Variants in USP34 observed in about 807,000 individuals in gnomAD.
USP34 encodes ubiquitin carboxyl-terminal hydrolase 34.
A neutral mutation model predicts 460.3 loss-of-function variants in USP34; 70 were observed. The ratio of observed to expected loss-of-function variants is 0.15; its 90% CI spans 0.13 to 0.19. The LOEUF (loss-of-function observed/expected upper bound fraction) is 0.19. Ranked by LOEUF, USP34 falls within the 10% of genes least tolerant of loss-of-function variation. The probability of loss-of-function intolerance (pLI) is 1.00; values close to 1 mark genes in which losing one functional copy is unlikely to be tolerated. For missense variants in USP34, 3,985 were observed against 4,236.2 expected, an observed-to-expected ratio of 0.94 and a Z score of 1.65; for synonymous variants, 1,647 against 1,405.3, an observed-to-expected ratio of 1.17 and a Z score of -3.85.
chr2:61,412,689 G>A (rs1194454272), intron 2 of USP34, among the ~76,000 whole-genome samples: 1 of 151,830 alleles, frequency 6.6e-6, no homozygotes, highest in Non-Finnish European at 1.5e-5. Flanking sequence ...AGGAGTTCAA[G>A]ACCAACCTGG....
intron 2 of USP34, chr2:61,416,876 G>C (rs1299398780): frequency 1.3e-6 from 1 of 765,332 alleles, no homozygotes; most frequent in African/African-American, 1.7e-5. Flanking sequence ...CAGCACAGTG[G>C]AAGCCCTCAT....
At chr2:61,348,672 A>T in intron 14 of USP34, 84 bp downstream of exon 14, 2 of 1,497,334 alleles carry the variant, frequency 1.3e-6, no homozygotes, top group Non-Finnish European at 1.8e-6. Flanking sequence ...CCAAACATGA[A>T]TTATGTATAT....
At chr2:61,292,291 A>G (rs547954488) in intron 33 of USP34, among the ~76,000 whole-genome samples, 1 of 152,342 alleles carries the variant, frequency 6.6e-6, no homozygotes, top group African/African-American at 2.4e-5. Flanking sequence ...GAAGTATTTC[A>G]TAATATTAAG....
At chr2:61,358,524 C>G (rs1301797184) in intron 10 of USP34, among the ~76,000 whole-genome samples, 1 of 152,078 alleles carries the variant, frequency 6.6e-6, no homozygotes, top group African/African-American at 2.4e-5. Context: ...CAATATCATA[C>G]TCAATGATGA....
chr2:61,256,264 C>A, intron 48 of USP34, 120 bp downstream of exon 48: 1 of 856,176 alleles, frequency 1.2e-6, no homozygotes, highest in East Asian at 2.8e-5. Context: ...AGACTGAGCT[C>A]CATGCAGCTG....
At chr2:61,434,471 C>G (rs1016612731) in intron 1 of USP34, among the ~76,000 whole-genome samples, 8 of 152,200 alleles carry the variant, frequency 5.3e-5, no homozygotes, top group African/African-American at 1.9e-4. Context: ...GCCAGAGTAA[C>G]AGTCCTGTGG....
chr2:61,423,618 C>T (rs547917921), intron 1 of USP34, among the ~76,000 whole-genome samples: 1 of 152,122 alleles, frequency 6.6e-6, no homozygotes, highest in Admixed American at 6.5e-5. Context: ...TCGACACCAC[C>T]CAAATTGATT....
intron 41 of USP34, among the ~76,000 whole-genome samples, chr2:61,269,554 T>G (rs1304067860): frequency 6.6e-6 from 1 of 152,064 alleles, no homozygotes; most frequent in Non-Finnish European, 1.5e-5. Flanking sequence ...AATTCAATAA[T>G]TTCCTGAATG....
chr2:61,417,897 C>A (rs778594006), intron 2 of USP34, among the ~76,000 whole-genome samples: 2 of 149,350 alleles, frequency 1.3e-5, no homozygotes, highest in Non-Finnish European at 3.0e-5. Flanking sequence ...GAGCACCCCA[C>A]GCCTGGCTAA....
At chr2:61,300,526 G>A (rs1007084740) in intron 29 of USP34, among the ~76,000 whole-genome samples, 22 of 149,772 alleles carry the variant, frequency 1.5e-4, no homozygotes, top group African/African-American at 5.1e-4. Flanking sequence ...GGCCAGGCAC[G>A]GTGGCTCATG....
At chr2:61,452,438 C>T (rs984723859) in intron 1 of USP34, among the ~76,000 whole-genome samples, 1 of 149,406 alleles carries the variant, frequency 6.7e-6, no homozygotes, top group Non-Finnish European at 1.5e-5. Flanking sequence ...GATTCTCGTG[C>T]CTCAGCCTCC....
intron 2 of USP34, among the ~76,000 whole-genome samples, chr2:61,410,152 T>C (rs768952104): frequency 3.3e-5 from 5 of 152,146 alleles, no homozygotes; most frequent in Non-Finnish European, 7.3e-5. Flanking sequence ...CGTTATAGTA[T>C]CACACTGTAA....
At chr2:61,220,195 T>G in intron 67 of USP34, 115 bp downstream of exon 67, 12 of 346,650 alleles carry the variant, frequency 3.5e-5, no homozygotes, top group Non-Finnish European at 5.3e-5. Flanking sequence ...AAATAACATC[T>G]CCAAGAATTT....
chr2:61,368,520 C>A (rs141346390), intron 10 of USP34, among the ~76,000 whole-genome samples: 2 of 151,936 alleles, frequency 1.3e-5, no homozygotes, highest in Non-Finnish European at 2.9e-5. Flanking sequence ...TTACCAATCC[C>A]TGGTATAGAT....
At position 61,331,279 on chromosome 2, in the gene USP34, G is replaced by T; in HGVS notation, c.2927C>A (p.Ala976Glu). ...AACCCAGTTGAGAGGTACTTACAGT[G>T]CATGTTTTTGTCTTCCTTCTCTCAC... ...QTVREGRQKH[A>E]LYSHSAEVQV... The change falls in exon 20 of 80, where the codon GCA becomes GAA. Residue 976 changes from alanine (A) to glutamate (E), a missense_variant. By Grantham distance (107) the Ala-to-Glu change is moderately radical. Transcript: ENST00000398571. The T allele has an allele frequency of 6.2e-7, 1 of 1,610,254 alleles. No individual in the cohort carries two copies. Among genetic ancestry groups the T allele is most frequent in the Non-Finnish European group, 8.5e-7 (1 of 1,177,652 alleles).
intron 48 of USP34, among the ~76,000 whole-genome samples, chr2:61,251,787 T>C (rs189390921): frequency 6.6e-6 from 1 of 152,174 alleles, no homozygotes; most frequent in Non-Finnish European, 1.5e-5. Flanking sequence ...AGGTTTAACA[T>C]CAAATGCCAT....
intron 1 of USP34, among the ~76,000 whole-genome samples, chr2:61,455,009 G>A (rs1268023830): frequency 6.6e-6 from 1 of 151,768 alleles, no homozygotes; most frequent in Admixed American, 6.6e-5. Context: ...AGCCTGGCAA[G>A]CAGCTGGGAT....
At chr2:61,426,635 T>C (rs1573030133) in intron 1 of USP34, among the ~76,000 whole-genome samples, 1 of 152,322 alleles carries the variant, frequency 6.6e-6, no homozygotes, top group East Asian at 1.9e-4. Flanking sequence ...CTAGAGATCT[T>C]GCTGCCCTGA....
chr2:61,281,647 T>C (rs1313658655), intron 37 of USP34, among the ~76,000 whole-genome samples: 3 of 152,160 alleles, frequency 2.0e-5, no homozygotes. Context: ...ATCCCATACA[T>C]ATATATATGT....
Sources: gnomAD v4.1 joint callset for allele counts (sites outside exome capture counted in the v4.1 genomes callset) on GRCh38, gnomAD v4.1.1 for gene constraint, MANE v1.5 for transcripts, NCBI Gene and HGNC (gene_info 2026-07-23, HGNC 2026-07-21) for gene names.